Variants in CUX1 observed in about 807,000 individuals in gnomAD.
CUX1 encodes the protein cut like homeobox 1.
CUX1 carries 31 observed loss-of-function variants against 158.8 expected under a neutral mutation model. That is an observed-to-expected ratio of 0.20 (90% confidence interval 0.15 to 0.26). The LOEUF (loss-of-function observed/expected upper bound fraction) is 0.26. Ranked by LOEUF, CUX1 falls within the 10% of genes least tolerant of loss-of-function variation. The pLI is 1.00. For synonymous variants in CUX1, 879 were observed against 862.1 expected (o/e 1.02, Z -0.34); for missense variants, 1,589 against 2,014.6 (o/e 0.79, Z 4.04).
intron 10 of CUX1, among the ~76,000 whole-genome samples, chr7:102,173,617 G>T (rs1387847084): frequency 6.6e-6 from 1 of 152,184 alleles, no homozygotes; most frequent in African/African-American, 2.4e-5. Context: ...ATTCTGCAAA[G>T]GAAGTCGTCC....
chr7:101,907,094 T>G (rs940707943), intron 1 of CUX1, among the ~76,000 whole-genome samples: 1 of 152,190 alleles, frequency 6.6e-6, no homozygotes, highest in African/African-American at 2.4e-5. Context: ...GGATTAAGTG[T>G]CTGAGAACAT....
intron 2 of CUX1, among the ~76,000 whole-genome samples, chr7:101,984,089 A>AAAAAAAATAT (rs1221503978): frequency 3.4e-5 from 1 of 29,846 alleles, no homozygotes; most frequent in Non-Finnish European, 7.0e-5. Flanking sequence ...AAAAAAAAAA[A>AAAAAAAATAT]ATATATATAT....
At chr7:102,280,031 G>A (rs782675736) in intron 18 of CUX1, 2 of 1,599,404 alleles carry the variant, frequency 1.3e-6, no homozygotes, top group Admixed American at 3.3e-5. Context: ...CTCCCTGTCT[G>A]TGCAGGGCAG....
intron 1 of CUX1, among the ~76,000 whole-genome samples, chr7:101,872,138 GTTTA>G (rs756652467): frequency 4.7e-4 from 72 of 151,902 alleles, no homozygotes; most frequent in Non-Finnish European, 9.1e-4. Flanking sequence ...TTATTTATTT[GTTTA>G]TTTATTTTTG....
chr7:102,205,167 T>G lies in CUX1; in HGVS notation c.3127T>G (p.Ser1043Ala), dbSNP rs1302761655. 1.9e-6 allele frequency: 3 copies of G among 1,608,638 alleles called. No individual in the cohort carries two copies. Among genetic ancestry groups the G allele is most frequent in the Non-Finnish European group, 2.6e-6 (3 of 1,175,988 alleles). The change falls in exon 20 of 24, where the codon TCA becomes GCA. Residue 1043 changes from serine (S) to alanine (A), a missense_variant. Transcript: ENST00000292535. ...QDPLQQGCVS[S>A]ESTPKTSASC... is the part of the protein sequence containing the mutation. ...CCCGCTGCAGCAGGGCTGTGTGAGCTCAGGTAAGCAGCCAGTTTCTGTTGC... is the reference window on the plus strand; with the variant it reads ...CCCGCTGCAGCAGGGCTGTGTGAGCGCAGGTAAGCAGCCAGTTTCTGTTGC...
intron 16 of CUX1, 57 bp downstream of exon 16, chr7:102,198,924 C>G (rs182683340): frequency 6.7e-7 from 1 of 1,482,388 alleles, no homozygotes; most frequent in African/African-American, 1.4e-5. Context: ...GCAGCATGTC[C>G]TTAGCTGTGT....
chr7:102,165,714 G>T (rs1790953440), intron 9 of CUX1, among the ~76,000 whole-genome samples: 2 of 152,264 alleles, frequency 1.3e-5, no homozygotes, highest in South Asian at 4.2e-4. Context: ...ACCCTTGAGG[G>T]ATGGGCAGGG....
chr7:102,110,793 T>C (rs557515686), intron 6 of CUX1, among the ~76,000 whole-genome samples: 1 of 152,230 alleles, frequency 6.6e-6, no homozygotes, highest in Admixed American at 6.5e-5. Flanking sequence ...CTGTTACATA[T>C]GATGTCGTAT....
chr7:101,833,164 T>C (rs1300178818), intron 1 of CUX1, among the ~76,000 whole-genome samples: 2 of 151,440 alleles, frequency 1.3e-5, no homozygotes, highest in African/African-American at 4.9e-5. Context: ...TTTGGGAGGC[T>C]GAGGCAGGAG....
At chr7:102,041,036 A>G (rs1822009382) in intron 3 of CUX1, among the ~76,000 whole-genome samples, 1 of 151,820 alleles carries the variant, frequency 6.6e-6, no homozygotes, top group South Asian at 2.1e-4. Context: ...TGCCTGTAAT[A>G]CCAGCACTTT....
At chr7:102,239,674 T>C in intron 23 of CUX1, 90 bp downstream of exon 23, 1 of 1,479,498 alleles carries the variant, frequency 6.8e-7, no homozygotes, top group South Asian at 1.4e-5. Context: ...GGGGTGAGGC[T>C]GGGGCCGGAG....
At chr7:101,886,840 C>G (rs1418166832) in intron 1 of CUX1, among the ~76,000 whole-genome samples, 1 of 152,208 alleles carries the variant, frequency 6.6e-6, no homozygotes, top group Non-Finnish European at 1.5e-5. Flanking sequence ...CCATTGGAAA[C>G]TCTTGAGAGC....
chr7:102,027,041 T>C (rs1228421905), intron 2 of CUX1, among the ~76,000 whole-genome samples: 1 of 152,090 alleles, frequency 6.6e-6, no homozygotes, highest in East Asian at 1.9e-4. Flanking sequence ...TGTGACTCTG[T>C]CAGATGTGGA....
chr7:102,194,333 T>C (rs1292770575), intron 13 of CUX1, among the ~76,000 whole-genome samples: 1 of 152,066 alleles, frequency 6.6e-6, no homozygotes, highest in African/African-American at 2.4e-5. Flanking sequence ...GCTCAGTAGC[T>C]CATGCCTGTA....
rs531324270 is a variant in CUX1 at position 101,834,212 on chromosome 7, T to C, written c.30+16543T>C. 7.5e-5 allele frequency among the ~76,000 whole-genome samples: 11 copies of C among 146,536 alleles called. 1 individual carries two copies. In the South Asian group the frequency reaches 8.9e-4, roughly 12 times the overall value. ...TTTTTGAGATGGAGTCTCCCTCTGT[T>C]GCCCAGGCTGGAGTGCAGTGGCACT... is the stretch of plus-strand genomic sequence containing the variant. On this transcript the variant is annotated intron_variant, in intron 1 of 23. Transcript: ENST00000292535.
intron 3 of CUX1, among the ~76,000 whole-genome samples, chr7:102,051,642 G>A (rs1328872698): frequency 3.6e-5 from 5 of 138,372 alleles, no homozygotes; most frequent in African/African-American, 6.6e-5. Flanking sequence ...GTGACAGAGC[G>A]AGACTCTGTC....
chr7:101,983,077 G>A (rs1393919111), intron 2 of CUX1, among the ~76,000 whole-genome samples: 2 of 152,042 alleles, frequency 1.3e-5, no homozygotes, highest in African/African-American at 4.8e-5. Context: ...ACCTCAACAG[G>A]AAGGAATATT....
intron 4 of CUX1, among the ~76,000 whole-genome samples, chr7:102,095,714 G>T (rs1300498166): frequency 6.6e-6 from 1 of 152,182 alleles, no homozygotes; most frequent in Non-Finnish European, 1.5e-5. Context: ...GATCCGCTGG[G>T]CATGGTGTTT....
chr7:102,247,624 G>A (rs1800959320), intron 23 of CUX1, among the ~76,000 whole-genome samples: 1 of 152,164 alleles, frequency 6.6e-6, no homozygotes, highest in Non-Finnish European at 1.5e-5. Flanking sequence ...AGGAGCTCAA[G>A]ACTAGCCTGG....
Sources: allele counts gnomAD v4.1 joint callset (sites outside exome capture counted in the v4.1 genomes callset), GRCh38; gene constraint gnomAD v4.1.1; transcripts MANE v1.5; gene names NCBI Gene and HGNC (gene_info 2026-07-23, HGNC 2026-07-21).